The following TAX1BP1 variants were observed in gnomAD, a reference collection of about 807,000 sequenced individuals.
The protein encoded by TAX1BP1 is Tax1 binding protein 1.
Under a neutral mutation model 97.7 loss-of-function variants are expected in TAX1BP1, and 62 were observed. That is an observed-to-expected ratio of 0.63 (90% CI 0.52 to 0.78). The LOEUF (loss-of-function observed/expected upper bound fraction) is 0.78, where lower values mean the gene tolerates loss of function less well. Among genes scored for constraint, TAX1BP1 ranks in the 30% least tolerant of loss-of-function variants. The pLI, the probability that TAX1BP1 is intolerant of heterozygous loss-of-function variation, is 0.00. For missense variants in TAX1BP1, 867 were observed against 916.1 expected (o/e 0.95, Z 0.69); for synonymous variants, 340 against 304.2 (o/e 1.12, Z -1.23).
Position 27,828,881 on chromosome 7 carries a change from ACCACACCT to A in TAX1BP1, c.*53_*60del. 3.8e-5 allele frequency: 51 copies of A among 1,329,132 alleles called. No homozygotes were observed. The highest frequency in any genetic ancestry group is 5.1e-5 in the Non-Finnish European group (49 of 963,030). 82.3% of individuals were successfully genotyped at this position (1,329,132 alleles called of 1,614,324 possible). ...TTTAGCAGTAAAAAAAAAAAAAAAA[ACCACACCT>A]AAAATAGACCACTGAGGAGACCATA... On this transcript the variant is annotated 3_prime_UTR_variant, in exon 17 of 17. Transcript: ENST00000396319.
intron 1 of TAX1BP1, among the ~76,000 whole-genome samples, chr7:27,744,555 T>C (rs1454855746): frequency 6.6e-6 from 1 of 152,258 alleles, no homozygotes; most frequent in East Asian, 1.9e-4. Context: ...TTAGTATTTA[T>C]CTAAATTAAA....
intron 16 of TAX1BP1, among the ~76,000 whole-genome samples, chr7:27,828,094 A>C (rs576013665): frequency 6.6e-6 from 1 of 152,338 alleles, no homozygotes; most frequent in African/African-American, 2.4e-5. Context: ...TGGGGATGGG[A>C]ACTAGTTTTG....
intron 15 of TAX1BP1, among the ~76,000 whole-genome samples, chr7:27,827,138 G>C (rs1054755122): frequency 3.3e-5 from 5 of 152,140 alleles, no homozygotes; most frequent in Non-Finnish European, 5.9e-5. Flanking sequence ...GATCACTTGA[G>C]GCCAGGAGTT....
intron 5 of TAX1BP1, among the ~76,000 whole-genome samples, chr7:27,776,944 A>C (rs1011551973): frequency 7.9e-5 from 12 of 151,230 alleles, no homozygotes; most frequent in Non-Finnish European, 1.3e-4. Context: ...CAGTATATAT[A>C]TATTTTTTAT....
intron 5 of TAX1BP1, among the ~76,000 whole-genome samples, chr7:27,776,803 CTT>C (rs941244372): frequency 7.2e-6 from 1 of 138,504 alleles, no homozygotes; most frequent in Admixed American, 7.2e-5. Context: ...TTCACTTGTG[CTT>C]TTTTTTTTCA....
intron 5 of TAX1BP1, among the ~76,000 whole-genome samples, chr7:27,779,661 A>G (rs1789177846): frequency 1.3e-5 from 2 of 152,366 alleles, no homozygotes; most frequent in African/African-American, 4.8e-5. Context: ...AATGAATTAG[A>G]GTGAAGACAA....
At chr7:27,775,933 G>C (rs1583694088) in intron 5 of TAX1BP1, among the ~76,000 whole-genome samples, 1 of 152,020 alleles carries the variant, frequency 6.6e-6, no homozygotes, top group African/African-American at 2.4e-5. Flanking sequence ...ACACAAGCTA[G>C]TTCCAGCTTC....
At chr7:27,819,873 C>T (rs529190821) in intron 15 of TAX1BP1, among the ~76,000 whole-genome samples, 16 of 152,242 alleles carry the variant, frequency 1.1e-4, no homozygotes, top group East Asian at 3.9e-4. Context: ...CAGTAACCCT[C>T]GGAATTTACT....
intron 10 of TAX1BP1, among the ~76,000 whole-genome samples, chr7:27,793,707 A>G (rs1344182539): frequency 6.6e-6 from 1 of 152,206 alleles, no homozygotes; most frequent in Non-Finnish European, 1.5e-5. Context: ...ATAGGTAGGT[A>G]GATTTGTAAT....
intron 11 of TAX1BP1, among the ~76,000 whole-genome samples, chr7:27,795,594 C>T (rs935252411): frequency 2.0e-5 from 3 of 152,094 alleles, no homozygotes; most frequent in Admixed American, 6.5e-5. Flanking sequence ...ACTCTGTCCC[C>T]CAGGCTGGAG....
chr7:27,808,691 G>A (rs536370390), intron 13 of TAX1BP1, among the ~76,000 whole-genome samples: 1 of 152,096 alleles, frequency 6.6e-6, no homozygotes, highest in African/African-American at 2.4e-5. Context: ...TTTGGGTACC[G>A]AAGAAAAAAA....
At chr7:27,785,025 G>C in intron 5 of TAX1BP1, 138 bp from the exon 6 acceptor site, 1 of 774,556 alleles carries the variant, frequency 1.3e-6, no homozygotes, top group South Asian at 2.3e-5. Context: ...AAGTTTTATA[G>C]TCTTAGCTTC....
Position 27,816,975 on chromosome 7 carries a change from C to T in TAX1BP1, c.2022C>T (p.Val674=), listed in dbSNP as rs776297832. 1 of 1,614,110 alleles carries T rather than the reference C, an allele frequency of 6.2e-7. No homozygotes were observed. Residue 674 remains valine, a synonymous_variant, in exon 15 of 17, where the codon GTC becomes GTT. Coordinates refer to ENST00000396319, the MANE Select transcript of TAX1BP1 (RefSeq NM_006024.7). ...CTTGGGGACTGGAAGACAATGTTGT[C>T]TGCAGCCAGCCTGCTCGAAACTTTA... The part of the protein sequence containing the change: ...VPSWGLEDNV[V]CSQPARNFSR...
At chr7:27,773,029 A>G (rs1788903841) in intron 5 of TAX1BP1, among the ~76,000 whole-genome samples, 1 of 152,070 alleles carries the variant, frequency 6.6e-6, no homozygotes, top group African/African-American at 2.4e-5. Context: ...AATAAAAATA[A>G]CTCATATAAC....
chr7:27,803,056 A>G, intron 13 of TAX1BP1: 7 of 1,504,622 alleles, frequency 4.7e-6, no homozygotes, highest in Non-Finnish European at 6.3e-6. Context: ...TCAAAGTTGC[A>G]AGGAGGGAGT....
At chr7:27,790,214 C>T (rs578144088) in intron 8 of TAX1BP1, among the ~76,000 whole-genome samples, 11 of 151,890 alleles carry the variant, frequency 7.2e-5, no homozygotes, top group Non-Finnish European at 1.2e-4. Context: ...CTATGATACA[C>T]ATGTGGATCT....
chr7:27,803,192 T>G, intron 13 of TAX1BP1: 1 of 1,523,344 alleles, frequency 6.6e-7, no homozygotes, highest in Non-Finnish European at 8.8e-7. Flanking sequence ...TATTGAGCAA[T>G]GTAGTTAAAC....
chr7:27,771,923 A>G (rs1037477964), intron 5 of TAX1BP1: 4 of 152,072 alleles, frequency 2.6e-5, no homozygotes, highest in African/African-American at 9.7e-5. Context: ...GTTTTTCATA[A>G]TAGGAACCAG....
At chr7:27,769,504 A>AT (rs574087407) in intron 4 of TAX1BP1, among the ~76,000 whole-genome samples, 172 bp from the exon 5 acceptor site, 14 of 152,022 alleles carry the variant, frequency 9.2e-5, no homozygotes, top group African/African-American at 3.4e-4. Flanking sequence ...TGATTGATGA[A>AT]TTTTTCTAAC....
Sources: gnomAD v4.1 joint callset for allele counts (sites outside exome capture counted in the v4.1 genomes callset) on GRCh38, gnomAD v4.1.1 for gene constraint, MANE v1.5 for transcripts, NCBI Gene and HGNC (gene_info 2026-07-23, HGNC 2026-07-21) for gene names.